GRIN3A: variants seen among roughly 807,000 people sequenced by gnomAD.
GRIN3A encodes glutamate receptor ionotropic, NMDA 3A.
GRIN3A carries 47 observed loss-of-function variants against 92.4 expected under a neutral mutation model. The observed-to-expected ratio is 0.51, with a 90% CI of 0.40 to 0.65. The LOEUF is 0.65. Ranked by LOEUF, GRIN3A falls within the 30% of genes least tolerant of loss-of-function variation. The pLI, the probability that GRIN3A is intolerant of heterozygous loss-of-function variation, is 0.00. For synonymous variants in GRIN3A, 527 were observed against 540.6 expected (o/e 0.97, Z 0.35); for missense variants, 1,324 against 1,393.1 (o/e 0.95, Z 0.79).
chr9:101,666,998 C>T (rs1441614139), intron 3 of GRIN3A, among the ~76,000 whole-genome samples: 1 of 151,938 alleles, frequency 6.6e-6, no homozygotes, highest in African/African-American at 2.4e-5. Context: ...CAAAAATGGC[C>T]ATGGATCTAT....
intron 3 of GRIN3A, among the ~76,000 whole-genome samples, chr9:101,649,628 T>C (rs1191570353): frequency 1.3e-5 from 2 of 152,022 alleles, no homozygotes; most frequent in Non-Finnish European, 2.9e-5. Flanking sequence ...TCTTATTGGT[T>C]GCAGCCTGTC....
rs146408489 is a variant in GRIN3A at position 101,594,863 on chromosome 9, A to G, written c.2767-15503T>C. 26 of 1,603,610 alleles carry G rather than the reference A, an allele frequency of 1.6e-5. No individual in the cohort carries two copies. The African/African-American group carries it at 3.2e-4, about 20-fold the overall frequency. On this transcript the variant is annotated intron_variant, in intron 6 of 8. Coordinates refer to ENST00000361820, the MANE Select transcript of GRIN3A (RefSeq NM_133445.3). The stretch of plus-strand genomic sequence containing the variant: ...CTTAAACCTCCTGCCCAGCCTTTTA[A>G]TTTCATCATTGTCAAAGTGGGAGCA...
chr9:101,594,637 C>G, intron 6 of GRIN3A: 1 of 1,614,180 alleles, frequency 6.2e-7, no homozygotes, highest in Non-Finnish European at 8.5e-7. Context: ...AAATGCTGAA[C>G]GCAAACCTCA....
chr9:101,695,119 T>C (rs1233069435), intron 1 of GRIN3A, among the ~76,000 whole-genome samples: 1 of 152,212 alleles, frequency 6.6e-6, no homozygotes, highest in Non-Finnish European at 1.5e-5. Flanking sequence ...ATGCAAAGCA[T>C]CAGTACAGTC....
chr9:101,622,829 G>A (rs1397587430), intron 5 of GRIN3A, among the ~76,000 whole-genome samples: 1 of 152,056 alleles, frequency 6.6e-6, no homozygotes, highest in Non-Finnish European at 1.5e-5. Context: ...CCTCCCAGTT[G>A]TAAAATGTAA....
chr9:101,666,917 G>A (rs964332435), intron 3 of GRIN3A, among the ~76,000 whole-genome samples: 1 of 151,996 alleles, frequency 6.6e-6, no homozygotes, highest in Non-Finnish European at 1.5e-5. Flanking sequence ...TCTTTCTCTT[G>A]TAATCTTGTT....
In GRIN3A at chr9:101,737,563, T is replaced by G; in HGVS notation, c.417A>C (p.Glu139Asp). 1 of 1,614,212 alleles carries G rather than the reference T, an allele frequency of 6.2e-7. No individual in the cohort carries two copies. The highest frequency in any genetic ancestry group is 8.5e-7 in the Non-Finnish European group (1 of 1,180,040). Residue 139 changes from glutamate (E) to aspartate (D), a missense_variant, in exon 1 of 9, where the codon GAA becomes GAC. By Grantham distance (45) the Glu-to-Asp change is conservative. Coordinates refer to ENST00000361820, the MANE Select transcript of GRIN3A (RefSeq NM_133445.3). The part of the protein sequence containing the change: ...LFAVDNLNRV[E>D]GLLPYNLSLE... ...AAGACAGGTTGTAGGGTAGCAGCCCTTCCACGCGGTTCAGGTTGTCCACGG... is the reference window on the plus strand; with the variant it reads ...AAGACAGGTTGTAGGGTAGCAGCCCGTCCACGCGGTTCAGGTTGTCCACGG...
intron 3 of GRIN3A, among the ~76,000 whole-genome samples, chr9:101,649,489 T>C (rs13290403): frequency 0.35 from 53,863 of 151,810 alleles, 10,078 homozygotes; most frequent in African/African-American, 0.48. Flanking sequence ...GATTCCAGAC[T>C]GGTGGGGAGA....
At chr9:101,608,755 C>T (rs1885979) in intron 6 of GRIN3A, among the ~76,000 whole-genome samples, 73,815 of 152,028 alleles carry the variant, frequency 0.49, 18,335 homozygotes, top group African/African-American at 0.61. Context: ...GGTATCACAG[C>T]TGGTAGAGCT....
intron 7 of GRIN3A, among the ~76,000 whole-genome samples, chr9:101,578,639 C>T (rs528809685): frequency 1.8e-4 from 28 of 152,278 alleles, no homozygotes; most frequent in African/African-American, 6.3e-4. Context: ...GATATGCAAA[C>T]GAGTGTGCTT....
chr9:101,733,030 G>C (rs1288972818), intron 1 of GRIN3A, among the ~76,000 whole-genome samples: 1 of 152,084 alleles, frequency 6.6e-6, no homozygotes, highest in African/African-American at 2.4e-5. Context: ...GAATTTGACT[G>C]GGGGGTTATT....
intron 6 of GRIN3A, among the ~76,000 whole-genome samples, chr9:101,606,468 T>G (rs1172594059): frequency 6.6e-6 from 1 of 152,132 alleles, no homozygotes; most frequent in Non-Finnish European, 1.5e-5. Context: ...CCCTCTCCTA[T>G]TTCTCCCTGG....
At chr9:101,659,048 A>G (rs1024465729) in intron 3 of GRIN3A, among the ~76,000 whole-genome samples, 2 of 151,886 alleles carry the variant, frequency 1.3e-5, no homozygotes, top group African/African-American at 4.8e-5. Flanking sequence ...TAAAATACGT[A>G]TATTTTAGAC....
chr9:101,694,757 T>A (rs529521732), intron 1 of GRIN3A, among the ~76,000 whole-genome samples: 54 of 152,310 alleles, frequency 3.5e-4, no homozygotes, highest in African/African-American at 1.2e-3. Flanking sequence ...CAGAAGATAT[T>A]TAGTCATATG....
Position 101,628,328 on chromosome 9 carries a change from C to G in GRIN3A, c.2426G>C (p.Ser809Thr). Reference sequence around the variant, plus strand: ...CATATATTCATGCATCTCTGGGAAACTTTGTCTCACATAATCTTCAGCACT... The same window carrying G: ...CATATATTCATGCATCTCTGGGAAAGTTTGTCTCACATAATCTTCAGCACT... Reference protein sequence around the residue: ...ESSAEDYVRQSFPEMHEYMRR... With the variant: ...ESSAEDYVRQTFPEMHEYMRR... Residue 809 changes from serine to threonine, a missense_variant, in exon 4 of 9, where the codon AGT becomes ACT. Physicochemically the swap from Ser to Thr is moderately conservative, Grantham distance 58 (BLOSUM62 1). Transcript: ENST00000361820. The G allele has an allele frequency of 3.1e-6, 5 of 1,613,986 alleles. No homozygotes were observed. Among genetic ancestry groups the G allele is most frequent in the Non-Finnish European group, 4.2e-6 (5 of 1,179,914 alleles).
intron 3 of GRIN3A, among the ~76,000 whole-genome samples, chr9:101,644,642 C>T (rs1047707125): frequency 4.6e-5 from 7 of 151,736 alleles, no homozygotes; most frequent in African/African-American, 7.3e-5. Context: ...TTATTTAATC[C>T]GACAAGTAAT....
chr9:101,676,041 A>T (rs1371838039), intron 2 of GRIN3A, among the ~76,000 whole-genome samples: 1 of 151,778 alleles, frequency 6.6e-6, no homozygotes, highest in African/African-American at 2.4e-5. Flanking sequence ...TATTAGTATT[A>T]TGTTTTTATG....
intron 6 of GRIN3A, chr9:101,593,290 G>C (rs573505812): frequency 6.6e-6 from 1 of 152,334 alleles, no homozygotes; most frequent in Admixed American, 6.5e-5. Context: ...CTGTTAGTGT[G>C]TGAGGACTTC....
chr9:101,699,993 TC>T (rs1234215866), intron 1 of GRIN3A, among the ~76,000 whole-genome samples: 1 of 152,170 alleles, frequency 6.6e-6, no homozygotes, highest in Non-Finnish European at 1.5e-5. Flanking sequence ...CGGTTAAACA[TC>T]CCTTTCCTGC....
Sources: allele counts gnomAD v4.1 joint callset (sites outside exome capture counted in the v4.1 genomes callset), GRCh38; gene constraint gnomAD v4.1.1; transcripts MANE v1.5; gene names NCBI Gene and HGNC (gene_info 2026-07-23, HGNC 2026-07-21).